SP6: variants seen among roughly 807,000 people sequenced by gnomAD.
SP6 encodes Sp6 transcription factor.
In SP6, 10 loss-of-function variants were observed where a neutral mutation model predicts 23.4. The observed-to-expected ratio is 0.43, with a 90% CI of 0.26 to 0.72. The LOEUF (loss-of-function observed/expected upper bound fraction) is 0.72, where lower values mean the gene tolerates loss of function less well. Ranked by LOEUF, SP6 falls within the 30% of genes least tolerant of loss-of-function variation. The pLI, the probability that SP6 is intolerant of heterozygous loss-of-function variation, is 0.23. For missense variants in SP6, 482 were observed against 523.8 expected (o/e 0.92, Z 0.78); for synonymous variants, 238 against 238.7 (o/e 1.00, Z 0.03).
Position 47,847,937 on chromosome 17 carries a change from GC to G in SP6, c.492del (p.Pro165HisfsTer19). The G allele has an allele frequency of 6.4e-7, 1 of 1,568,418 alleles. No homozygotes were observed. The highest frequency in any genetic ancestry group is 8.6e-7 in the Non-Finnish European group (1 of 1,156,836). On this transcript the variant is annotated frameshift_variant, in exon 2 of 2. Transcript: ENST00000536300. LOFTEE classifies it high-confidence loss of function. ...GYVGDHQLCA[P>X]PPHPHAHHLL... ...AGGTGGTGCGCATGCGGGTGGGGTG[GC>G]GGGGCACAAAGCTGGTGGTCTCCGA...
upstream of SP6, among the ~76,000 whole-genome samples, chr17:47,859,025 T>C (rs2034017481): frequency 6.6e-6 from 1 of 152,120 alleles, no homozygotes; most frequent in Non-Finnish European, 1.5e-5. Context: ...TCCACCTGCC[T>C]CAGCCTCCCA....
upstream of SP6, among the ~76,000 whole-genome samples, chr17:47,855,359 G>T (rs906238649): frequency 6.6e-6 from 1 of 152,178 alleles, no homozygotes; most frequent in Non-Finnish European, 1.5e-5. Context: ...GGCAGTGAGT[G>T]TGTGTGCCCT....
the SP6 span, among the ~76,000 whole-genome samples, chr17:47,866,237 G>A: frequency 1.3e-5 from 2 of 152,140 alleles, no homozygotes; most frequent in African/African-American, 4.8e-5. Context: ...GACTCTGGCT[G>A]GAAAGAACGT....
upstream of SP6, among the ~76,000 whole-genome samples, chr17:47,857,299 G>A (rs1340824414): frequency 3.3e-5 from 5 of 152,200 alleles, no homozygotes; most frequent in African/African-American, 1.2e-4. Context: ...CACAGGTGGA[G>A]TAAATAATGT....
At chr17:47,850,293 T>G (rs1299996060) in intron 1 of SP6, among the ~76,000 whole-genome samples, 7 of 151,822 alleles carry the variant, frequency 4.6e-5, no homozygotes, top group Admixed American at 3.3e-4. Context: ...CAAAGCGGGG[T>G]GATTCTCAGG....
intron 1 of SP6, among the ~76,000 whole-genome samples, chr17:47,850,223 C>A (rs1427101424): frequency 1.3e-5 from 2 of 152,144 alleles, no homozygotes; most frequent in African/African-American, 4.8e-5. Flanking sequence ...CTTCTCCTGG[C>A]AGAGAGCTGG....
In SP6 at chr17:47,846,096, A is replaced by G. The variant is rs2033882296; in HGVS notation, c.*1203T>C. 1 of 152,272 alleles carries G rather than the reference A, an allele frequency of 6.6e-6. No homozygotes were observed. Among genetic ancestry groups the G allele is most frequent in the Non-Finnish European group, 1.5e-5 (1 of 68,054 alleles). The allele number at this position is 152,272 out of a possible 1,614,324, so 9.4% of individuals were successfully genotyped here. On this transcript the variant is annotated 3_prime_UTR_variant, in exon 2 of 2. Transcript: ENST00000536300. ...AGGCAGAACCCCTTCCAGTGGGAGAACAACTCTTTCCTCTCCCTTCCCCTG... is the reference window on the plus strand; with the variant it reads ...AGGCAGAACCCCTTCCAGTGGGAGAGCAACTCTTTCCTCTCCCTTCCCCTG...
At chr17:47,871,430 T>C in the SP6 span, among the ~76,000 whole-genome samples, 6 of 152,336 alleles carry the variant, frequency 3.9e-5, no homozygotes, top group African/African-American at 1.4e-4. Context: ...TCTTAAGAAT[T>C]ACTCAAGATT....
upstream of SP6, chr17:47,855,647 C>T (rs1251105019): frequency 6.6e-6 from 1 of 152,392 alleles, no homozygotes; most frequent in East Asian, 1.9e-4. Flanking sequence ...GGAACAGCCT[C>T]TCTTACCAGT....
rs2143642659 is a variant in SP6, at chr17:47,845,662, C to G, written c.*1637G>C. ...AGATGGGGTCTCCCTGGCTAGAGACCCCAGGCTCAGTAGAGAAACACACAT... is the reference window on the plus strand; with the variant it reads ...AGATGGGGTCTCCCTGGCTAGAGACGCCAGGCTCAGTAGAGAAACACACAT... On this transcript the variant is annotated 3_prime_UTR_variant, in exon 2 of 2. Transcript: ENST00000536300. 6.5e-6 allele frequency: 1 copy of G among 152,708 alleles called. No homozygotes were observed. The highest frequency in any genetic ancestry group is 2.1e-4 in the South Asian group (1 of 4,820). 9.5% of individuals were successfully genotyped at this position (152,708 alleles called of 1,614,324 possible). A position where few individuals can be genotyped will look rare whatever the true frequency, so the allele number is the denominator to read the frequency against.
chr17:47,848,072 A>T lies in SP6; in HGVS notation c.358T>A (p.Trp120Arg). The change falls in exon 2 of 2, where the codon TGG becomes AGG. Residue 120 changes from tryptophan to arginine, a missense_variant. By Grantham distance (101) the Trp-to-Arg change is moderately radical (BLOSUM62 -3). Transcript: ENST00000536300. This position sits in a 1 kb window ranked among gnomAD's most constrained non-coding sequence, Gnocchi z 5.3. ...CTGGTGCCCGGATGAAGGTCCCACC[A>T]CGAGCCATCCTCCGCGCCTGGGTGA... The part of the protein sequence containing the change: ...PTHPGAEDGS[W>R]WDLHPGTSWM... 6.2e-7 allele frequency: 1 copy of T among 1,613,284 alleles called. No homozygotes were observed. The highest frequency in any genetic ancestry group is 2.2e-5 in the East Asian group (1 of 44,868).
chr17:47,847,943 C>T lies in SP6; in HGVS notation c.487G>A (p.Ala163Thr), dbSNP rs768578450. 1.3e-6 allele frequency: 2 copies of T among 1,569,700 alleles called. No homozygotes were observed. The highest frequency in any genetic ancestry group is 2.3e-5 in the South Asian group (2 of 86,384). Residue 163 changes from alanine to threonine, a missense_variant, in exon 2 of 2, where the codon GCC (alanine) becomes ACC (threonine). Transcript: ENST00000536300. ...GGYVGDHQLC[A>T]PPPHPHAHHL... Reference sequence around the variant, plus strand: ...TGCGCATGCGGGTGGGGTGGCGGGGCACAAAGCTGGTGGTCTCCGACGTAG... The same window carrying T: ...TGCGCATGCGGGTGGGGTGGCGGGGTACAAAGCTGGTGGTCTCCGACGTAG...
rs763381595 is a variant in SP6, at chr17:47,847,981, G to C, written c.449C>G (p.Ala150Gly). 1 of 1,589,330 alleles carries C rather than the reference G, an allele frequency of 6.3e-7. No individual in the cohort carries two copies. The highest frequency in any genetic ancestry group is 8.6e-7 in the Non-Finnish European group (1 of 1,167,754). Residue 150 changes from alanine to glycine, a missense_variant, in exon 2 of 2, where the codon GCG (alanine) becomes GGG (glycine). By Grantham distance (60) the Ala-to-Gly change is moderately conservative. Coordinates refer to ENST00000536300, the MANE Select transcript of SP6 (RefSeq NM_001258248.2). ...TSPGHPGALQ[A>G]GLGGYVGDHQ... Reference sequence around the variant, plus strand: ...GTCTCCGACGTAGCCCCCCAAGCCCGCCTGAAGCGCCCCCGGGTGGCCAGG... The same window carrying C: ...GTCTCCGACGTAGCCCCCCAAGCCCCCCTGAAGCGCCCCCGGGTGGCCAGG...
At chr17:47,854,819 A>G (rs1057321422), upstream of SP6, among the ~76,000 whole-genome samples, 3 of 152,088 alleles carry the variant, frequency 2.0e-5, no homozygotes, top group Non-Finnish European at 4.4e-5. Context: ...CAGAGCTGGG[A>G]CCAGACCAGA....
chr17:47,861,272 G>A, the SP6 span, among the ~76,000 whole-genome samples: 6 of 152,180 alleles, frequency 3.9e-5, no homozygotes, highest in African/African-American at 7.2e-5. Flanking sequence ...CCCTCTGGCC[G>A]GGGTGGGGGC....
upstream of SP6, among the ~76,000 whole-genome samples, chr17:47,858,767 C>CTTTTTTTT (rs36092685): frequency 1.5e-4 from 14 of 92,662 alleles, 4 homozygotes; most frequent in Non-Finnish European, 1.4e-4. Context: ...GATGAAGCAT[C>CTTTTTTTT]TTTTTTTTTT....
At chr17:47,874,505 G>A in the SP6 span, among the ~76,000 whole-genome samples, 3 of 152,152 alleles carry the variant, frequency 2.0e-5, no homozygotes, top group African/African-American at 2.4e-5. Context: ...CCAGGAGTTC[G>A]AGTCTAGCCT....
the SP6 span, among the ~76,000 whole-genome samples, chr17:47,868,284 T>C: frequency 5.3e-5 from 8 of 152,164 alleles, no homozygotes; most frequent in African/African-American, 1.9e-4. Context: ...ACTATGATAA[T>C]GAAGTGCAAA....
upstream of SP6, among the ~76,000 whole-genome samples, chr17:47,856,054 C>G (rs1211224327): frequency 6.6e-6 from 1 of 152,124 alleles, no homozygotes; most frequent in Non-Finnish European, 1.5e-5. Context: ...AATTCCATCC[C>G]CTCTTCCTGA....
Sources: allele counts gnomAD v4.1 joint callset (sites outside exome capture counted in the v4.1 genomes callset), GRCh38; gene constraint gnomAD v4.1.1; non-coding constraint Gnocchi (gnomAD v3.1); transcripts MANE v1.5; gene names NCBI Gene and HGNC (gene_info 2026-07-23, HGNC 2026-07-21).